TTC19: variants seen among roughly 807,000 people sequenced by gnomAD.
TTC19 encodes the protein tetratricopeptide repeat domain 19.
TTC19 carries 38 observed loss-of-function variants against 49.5 expected under a neutral mutation model. The ratio of observed to expected loss-of-function variants is 0.77; its 90% CI spans 0.59 to 1.01. TTC19 has a LOEUF of 1.01. Among genes scored for constraint, TTC19 ranks in the 50% least tolerant of loss-of-function variants. The pLI is 0.00. For synonymous variants in TTC19, 204 were observed against 185.2 expected (o/e 1.10, Z -0.83); for missense variants, 475 against 477.7 (o/e 0.99, Z 0.05).
chr17:16,017,996 A>AT (rs1162032124), intron 7 of TTC19, among the ~76,000 whole-genome samples: 3 of 152,072 alleles, frequency 2.0e-5, no homozygotes, highest in Non-Finnish European at 4.4e-5. Context: ...AGGAAAAAAA[A>AT]TTTTTTTCAG....
chr17:16,033,536 C>T (rs1427981147), downstream of TTC19, among the ~76,000 whole-genome samples: 4 of 152,080 alleles, frequency 2.6e-5, no homozygotes, highest in African/African-American at 4.8e-5. Flanking sequence ...ATATAATTTA[C>T]ATATATCTTA....
At chr17:16,041,744 A>T (rs148482536) in intron 2 of TTC19, among the ~76,000 whole-genome samples, 3,136 of 149,346 alleles carry the variant, frequency 0.021, 118 homozygotes, top group African/African-American at 0.073. Flanking sequence ...TTTATTAATT[A>T]ATTTATTTTT....
chr17:16,035,495 T>C (rs1013596697), intron 2 of TTC19, among the ~76,000 whole-genome samples: 2 of 151,548 alleles, frequency 1.3e-5, no homozygotes, highest in African/African-American at 4.8e-5. Context: ...AGCAATTCAG[T>C]TACATCTTCA....
At chr17:16,020,559 T>C (rs944174189) in intron 7 of TTC19, among the ~76,000 whole-genome samples, 1 of 152,198 alleles carries the variant, frequency 6.6e-6, no homozygotes, top group East Asian at 1.9e-4. Flanking sequence ...GACATCTCTA[T>C]ATTGGGTTTT....
At position 16,026,564 on chromosome 17, in the gene TTC19, G is replaced by A; in HGVS notation, c.856G>A (p.Ala286Thr). The A allele has an allele frequency of 6.2e-7, 1 of 1,614,068 alleles. No individual in the cohort carries two copies. Among genetic ancestry groups the A allele is most frequent in the Non-Finnish European group, 8.5e-7 (1 of 1,179,986 alleles). The change falls in exon 9 of 10, where the codon GCT becomes ACT. Residue 286 changes from alanine (A) to threonine (T), a missense_variant. Coordinates refer to ENST00000261647, the MANE Select transcript of TTC19 (RefSeq NM_017775.4). ...GACCATTGTGCTGATGAGTGACCTG[G>A]CTACTACCCTGGATGCACAGGGCCG... ...PQTIVLMSDL[A>T]TTLDAQGRFD...
At chr17:16,013,388 G>A (rs1330909063) in intron 7 of TTC19, among the ~76,000 whole-genome samples, 1 of 152,194 alleles carries the variant, frequency 6.6e-6, no homozygotes, top group Non-Finnish European at 1.5e-5. Flanking sequence ...ATAGCAGCAA[G>A]TAAGGCAAAA....
chr17:16,034,720 T>C, intron 2 of TTC19: 1 of 1,478,446 alleles, frequency 6.8e-7, no homozygotes, highest in Non-Finnish European at 9.3e-7. Context: ...AAGACATTGA[T>C]ATTATTGCTC....
At chr17:16,033,331 G>T (rs1380890823), downstream of TTC19, among the ~76,000 whole-genome samples, 2 of 109,244 alleles carry the variant, frequency 1.8e-5, no homozygotes, top group African/African-American at 5.0e-5. Context: ...ACGAAACTCC[G>T]TCTCCAAAAA....
chr17:16,035,806 T>C (rs1428261513), intron 2 of TTC19, among the ~76,000 whole-genome samples: 1 of 152,084 alleles, frequency 6.6e-6, no homozygotes, highest in African/African-American at 2.4e-5. Flanking sequence ...CCACCCAAAG[T>C]GCTGGGATTA....
At chr17:16,005,433 C>T (rs1301493344) in intron 6 of TTC19, among the ~76,000 whole-genome samples, 1 of 152,178 alleles carries the variant, frequency 6.6e-6, no homozygotes, top group Non-Finnish European at 1.5e-5. Flanking sequence ...CATAAGTTCT[C>T]CCCTGGCAAA....
intron 2 of TTC19, 113 bp downstream of exon 2, chr17:16,000,358 C>CG: frequency 6.6e-7 from 1 of 1,526,400 alleles, no homozygotes; most frequent in Non-Finnish European, 8.8e-7. Flanking sequence ...ATGGAGGCTC[C>CG]GCGGGTAAAA....
intron 7 of TTC19, 35 bp from the exon 8 acceptor site, chr17:16,024,982 T>G: frequency 6.2e-7 from 1 of 1,610,850 alleles, no homozygotes; most frequent in Non-Finnish European, 8.5e-7. Flanking sequence ...TAACAACCAT[T>G]TGGGTAGATT....
intron 2 of TTC19, among the ~76,000 whole-genome samples, chr17:16,038,859 C>T (rs1247053500): frequency 6.6e-6 from 1 of 152,184 alleles, no homozygotes; most frequent in African/African-American, 2.4e-5. Flanking sequence ...CAACCTCCGC[C>T]TCTCGGGTTC....
chr17:16,004,027 C>T (rs2151648551), intron 5 of TTC19, 140 bp downstream of exon 5: 2 of 1,146,690 alleles, frequency 1.7e-6, no homozygotes, highest in Non-Finnish European at 2.6e-6. Context: ...ATACAAATTG[C>T]CATTCTTTCA....
intron 7 of TTC19, among the ~76,000 whole-genome samples, chr17:16,010,441 G>T (rs1426912569): frequency 6.6e-6 from 1 of 150,450 alleles, no homozygotes; most frequent in East Asian, 2.0e-4. Flanking sequence ...CAAAGTGCTG[G>T]GATTACAGGT....
intron 4 of TTC19, 139 bp from the exon 5 acceptor site, chr17:16,003,690 CTG>C (rs1464843360): frequency 1.5e-5 from 11 of 752,008 alleles, no homozygotes; most frequent in African/African-American, 7.1e-5. Flanking sequence ...GGGTACTTTT[CTG>C]TGTGTGAGTG....
In TTC19 at chr17:16,023,882, T is replaced by C. The variant is rs543812011; in HGVS notation, c.677-1135T>C. 14 of 152,350 alleles carry C rather than the reference T, an allele frequency of 9.2e-5. No individual in the cohort carries two copies. The East Asian group carries it at 2.7e-3, about 29-fold the overall frequency. 9.4% of individuals were successfully genotyped at this position (152,350 alleles called of 1,614,324 possible). A position where few individuals can be genotyped will look rare whatever the true frequency, so the allele number is the denominator to read the frequency against. On this transcript the variant is annotated intron_variant, in intron 7 of 9. Coordinates refer to ENST00000261647, the MANE Select transcript of TTC19 (RefSeq NM_017775.4). ...TAAACTCTATGCCACTTGTAAGATTTCTGAAAACTGAAGACATAGAAGGGA... is the reference window on the plus strand; with the variant it reads ...TAAACTCTATGCCACTTGTAAGATTCCTGAAAACTGAAGACATAGAAGGGA...
downstream of TTC19, among the ~76,000 whole-genome samples, chr17:16,034,132 C>G (rs1281246808): frequency 6.6e-6 from 1 of 152,174 alleles, no homozygotes; most frequent in East Asian, 1.9e-4. Context: ...AGGTACAGTT[C>G]TCAAAAGAAC....
At position 16,027,780 on chromosome 17, in the gene TTC19, C is replaced by G. The variant is rs1178465677; in HGVS notation, c.*258C>G. 4.9e-5 allele frequency: 27 copies of G among 549,518 alleles called. No individual in the cohort carries two copies. Among genetic ancestry groups the G allele is most frequent in the Non-Finnish European group, 8.7e-5 (25 of 288,066 alleles). The allele number at this position is 549,518 out of a possible 1,614,324, so 34.0% of individuals were successfully genotyped here. Reference sequence around the variant, plus strand: ...TTCAGTTGTAACACGTGACTTGGTGCTGTCCCTGCTGGTCTAAGTAGAACT... The same window carrying G: ...TTCAGTTGTAACACGTGACTTGGTGGTGTCCCTGCTGGTCTAAGTAGAACT... On this transcript the variant is annotated 3_prime_UTR_variant, in exon 10 of 10. Transcript: ENST00000261647.
Sources: gnomAD v4.1 joint callset for allele counts (sites outside exome capture counted in the v4.1 genomes callset) on GRCh38, gnomAD v4.1.1 for gene constraint, MANE v1.5 for transcripts, NCBI Gene and HGNC (gene_info 2026-07-23, HGNC 2026-07-21) for gene names.